The following C1QTNF3 variants were observed in gnomAD, a reference collection of about 807,000 sequenced individuals.
C1QTNF3 encodes C1q and TNF related 3, also known as complement C1q tumor necrosis factor-related protein 3.
In C1QTNF3, 26 loss-of-function variants were observed where a neutral mutation model predicts 32.6. The ratio of observed to expected loss-of-function variants is 0.80; its 90% CI spans 0.58 to 1.11. C1QTNF3 has a LOEUF of 1.11. C1QTNF3 is among the 50% of genes least tolerant of loss of function. C1QTNF3 has a pLI of 0.00. For synonymous variants in C1QTNF3, 155 were observed against 146.0 expected, an observed-to-expected ratio of 1.06 and a Z score of -0.44; for missense variants, 362 against 398.2, an observed-to-expected ratio of 0.91 and a Z score of 0.77.
chr5:34,110,820 T>C, the C1QTNF3 span, among the ~76,000 whole-genome samples: 6 of 152,186 alleles, frequency 3.9e-5, no homozygotes, highest in Admixed American at 3.9e-4. Flanking sequence ...AGATTTCTTT[T>C]GTCAGAAGCA....
the C1QTNF3 span, among the ~76,000 whole-genome samples, chr5:34,181,728 A>C: frequency 6.6e-6 from 1 of 152,398 alleles, no homozygotes; most frequent in East Asian, 1.9e-4. Flanking sequence ...CCAAAGCGCC[A>C]GGTGTGAGCG....
chr5:34,051,187 G>T, the C1QTNF3 span, among the ~76,000 whole-genome samples: 2 of 152,190 alleles, frequency 1.3e-5, no homozygotes, highest in African/African-American at 4.8e-5. Context: ...CCCTAGGATA[G>T]CAGAGCAGAA....
the C1QTNF3 span, among the ~76,000 whole-genome samples, chr5:34,160,583 TC>T: frequency 1.3e-5 from 2 of 152,150 alleles, no homozygotes; most frequent in African/African-American, 4.8e-5. Flanking sequence ...AGTTAAGAGT[TC>T]CGTTACTCTA....
At position 34,043,167 on chromosome 5, in the gene C1QTNF3, G is replaced by A; in HGVS notation, c.-42C>T. 1.3e-6 allele frequency: 2 copies of A among 1,570,444 alleles called. No individual in the cohort carries two copies. Among genetic ancestry groups the A allele is most frequent in the East Asian group, 2.2e-5 (1 of 44,638 alleles). ...TCAGAGTCTCCCTGAGAAGACAGCAGAGCTCCAGGAGCGTGGTCTCCTCGG... is the reference window on the plus strand; with the variant it reads ...TCAGAGTCTCCCTGAGAAGACAGCAAAGCTCCAGGAGCGTGGTCTCCTCGG... On this transcript the variant is annotated 5_prime_UTR_variant, in exon 1 of 6. Transcript: ENST00000382065.
At chr5:34,042,150 G>A (rs1754885704) in intron 1 of C1QTNF3, among the ~76,000 whole-genome samples, 1 of 151,754 alleles carries the variant, frequency 6.6e-6, no homozygotes, top group Non-Finnish European at 1.5e-5. Flanking sequence ...TATTTCCTTA[G>A]AGCTGAATTT....
At chr5:34,025,814 T>C (rs1193544820) in intron 4 of C1QTNF3, among the ~76,000 whole-genome samples, 2 of 152,244 alleles carry the variant, frequency 1.3e-5, no homozygotes, top group Non-Finnish European at 2.9e-5. Context: ...ATGTAATCTG[T>C]GGCATAGATA....
the C1QTNF3 span, among the ~76,000 whole-genome samples, chr5:34,066,962 A>T: frequency 5.8e-3 from 886 of 152,212 alleles, 11 homozygotes; most frequent in South Asian, 0.025. Flanking sequence ...CCTCTTGAAC[A>T]CTTTGCTGCT....
intron 2 of C1QTNF3, among the ~76,000 whole-genome samples, chr5:34,035,293 C>T (rs1754708910): frequency 6.6e-6 from 1 of 152,150 alleles, no homozygotes; most frequent in African/African-American, 2.4e-5. Context: ...TGGAGAGATC[C>T]TGAGACTGGA....
At chr5:34,126,179 A>T in the C1QTNF3 span, among the ~76,000 whole-genome samples, 1 of 152,238 alleles carries the variant, frequency 6.6e-6, no homozygotes, top group African/African-American at 2.4e-5. Context: ...TACATACATC[A>T]AATTTACATT....
the C1QTNF3 span, among the ~76,000 whole-genome samples, chr5:34,197,082 C>G: frequency 6.6e-6 from 1 of 152,300 alleles, no homozygotes; most frequent in Non-Finnish European, 1.5e-5. Flanking sequence ...ACAGAAGACT[C>G]TTACTGCCTC....
At chr5:34,067,911 G>A in the C1QTNF3 span, among the ~76,000 whole-genome samples, 1 of 152,036 alleles carries the variant, frequency 6.6e-6, no homozygotes, top group Non-Finnish European at 1.5e-5. Flanking sequence ...CCATTGTAAT[G>A]ACTGAATAAA....
the C1QTNF3 span, among the ~76,000 whole-genome samples, chr5:34,052,481 A>G: frequency 6.6e-6 from 1 of 152,216 alleles, no homozygotes; most frequent in Non-Finnish European, 1.5e-5. Context: ...TAATGAATGG[A>G]CAGATAGATG....
chr5:34,174,072 T>C, the C1QTNF3 span, among the ~76,000 whole-genome samples: 12 of 152,168 alleles, frequency 7.9e-5, no homozygotes, highest in Non-Finnish European at 1.6e-4. Flanking sequence ...ACAAAACATA[T>C]CTTGAGCCAC....
the C1QTNF3 span, among the ~76,000 whole-genome samples, chr5:34,113,243 C>G: frequency 1.7e-4 from 25 of 149,690 alleles, no homozygotes; most frequent in Non-Finnish European, 2.7e-4. Flanking sequence ...AGCAAGAATT[C>G]TAGAAGCAGG....
chr5:34,211,781 C>A, the C1QTNF3 span, among the ~76,000 whole-genome samples: 1 of 151,900 alleles, frequency 6.6e-6, no homozygotes, highest in Non-Finnish European at 1.5e-5. Context: ...TTTCTTAATC[C>A]AGTCTATCAC....
intron 5 of C1QTNF3, among the ~76,000 whole-genome samples, chr5:34,021,326 T>C (rs935462594): frequency 1.3e-5 from 2 of 152,194 alleles, no homozygotes; most frequent in African/African-American, 4.8e-5. Flanking sequence ...ATGTGATAAC[T>C]TGGAAGACAG....
chr5:34,230,777 A>C, the C1QTNF3 span, among the ~76,000 whole-genome samples: 3 of 147,816 alleles, frequency 2.0e-5, no homozygotes, highest in Non-Finnish European at 4.5e-5. Context: ...ATTGGTATAA[A>C]ACTAACCATA....
chr5:34,216,720 G>A, the C1QTNF3 span, among the ~76,000 whole-genome samples: 1 of 152,080 alleles, frequency 6.6e-6, no homozygotes, highest in Non-Finnish European at 1.5e-5. Flanking sequence ...TGAAATTTGT[G>A]TCCACAAAAT....
the C1QTNF3 span, among the ~76,000 whole-genome samples, chr5:34,177,182 G>C: frequency 6.6e-6 from 1 of 152,104 alleles, no homozygotes; most frequent in African/African-American, 2.4e-5. Flanking sequence ...GAGTGAGGCT[G>C]TCTCAAAAAA....
Sources: gnomAD v4.1 joint callset for allele counts (sites outside exome capture counted in the v4.1 genomes callset) on GRCh38, gnomAD v4.1.1 for gene constraint, MANE v1.5 for transcripts, NCBI Gene and HGNC (gene_info 2026-07-23, HGNC 2026-07-21) for gene names.